Variants in GTF2B observed in about 807,000 individuals in gnomAD.
The protein encoded by GTF2B is transcription initiation factor IIB.
GTF2B carries 20 observed loss-of-function variants against 34.6 expected under a neutral mutation model. The observed-to-expected ratio is 0.58, with a 90% CI of 0.41 to 0.84. GTF2B has a LOEUF of 0.84. GTF2B is among the 40% of genes least tolerant of loss of function. The pLI, the probability that GTF2B is intolerant of heterozygous loss-of-function variation, is 0.00. For missense variants in GTF2B, 237 were observed against 393.3 expected (o/e 0.60, Z 3.36); for synonymous variants, 142 against 132.4 (o/e 1.07, Z -0.50).
At chr1:88,859,401 GA>G (rs1356108235) in intron 5 of GTF2B, among the ~76,000 whole-genome samples, 1 of 152,168 alleles carries the variant, frequency 6.6e-6, no homozygotes, top group Non-Finnish European at 1.5e-5. Context: ...AACATGCTAT[GA>G]ATTTGCTGTC....
intron 2 of GTF2B, among the ~76,000 whole-genome samples, chr1:88,865,981 T>G (rs540132845): frequency 6.0e-4 from 91 of 152,272 alleles, no homozygotes; most frequent in African/African-American, 2.1e-3. Context: ...CCACCTAGAC[T>G]ATGCTAACTT....
chr1:88,866,192 T>C (rs1673556379), intron 2 of GTF2B, among the ~76,000 whole-genome samples: 1 of 151,590 alleles, frequency 6.6e-6, no homozygotes, highest in Admixed American at 6.6e-5. Flanking sequence ...TGAAACCCTG[T>C]CTCTACAAAA....
intron 1 of GTF2B, among the ~76,000 whole-genome samples, chr1:88,888,350 C>T (rs1224367391): frequency 6.6e-6 from 1 of 152,072 alleles, no homozygotes; most frequent in East Asian, 1.9e-4. Context: ...TAAAATAATC[C>T]ATATTCCCCC....
intron 6 of GTF2B, among the ~76,000 whole-genome samples, chr1:88,856,250 C>A (rs1377080816): frequency 9.2e-6 from 1 of 108,902 alleles, no homozygotes; most frequent in Non-Finnish European, 1.7e-5. Flanking sequence ...GCCTGCGCAA[C>A]AGAGGGAGAC....
At chr1:88,857,567 C>T (rs1673340708) in intron 5 of GTF2B, 80 bp from the exon 6 acceptor site, 1 of 686,106 alleles carries the variant, frequency 1.5e-6, no homozygotes, top group Non-Finnish European at 2.5e-6. Flanking sequence ...TAATTATAAA[C>T]ATAATATACA....
At chr1:88,857,074 T>G in intron 6 of GTF2B, 132 bp downstream of exon 6, 1 of 777,514 alleles carries the variant, frequency 1.3e-6, no homozygotes, top group South Asian at 1.7e-5. Flanking sequence ...GTGCTGAGAT[T>G]ATAGGTGTGA....
At chr1:88,864,533 C>A (rs1673507400) in intron 2 of GTF2B, among the ~76,000 whole-genome samples, 1 of 152,098 alleles carries the variant, frequency 6.6e-6, no homozygotes, top group Non-Finnish European at 1.5e-5. Context: ...ACTAAGTTTG[C>A]GTGGGAAATG....
intron 1 of GTF2B, chr1:88,888,054 T>C (rs1465335066): frequency 2.0e-5 from 3 of 152,248 alleles, no homozygotes; most frequent in Non-Finnish European, 4.4e-5. Context: ...TTAAATGATC[T>C]GACAGAATCA....
chr1:88,891,460 CG>C, intron 1 of GTF2B, 22 bp downstream of exon 1: 1 of 1,593,948 alleles, frequency 6.3e-7, no homozygotes, highest in Non-Finnish European at 8.6e-7. Flanking sequence ...CTCAGCTCGC[CG>C]GGCTCGGCGG....
chr1:88,887,348 C>T lies in GTF2B; in HGVS notation c.37G>A (p.Val13Ile). The T allele has an allele frequency of 6.2e-7, 1 of 1,607,858 alleles. No homozygotes were observed. Among genetic ancestry groups the T allele is most frequent in the African/African-American group, 1.3e-5 (1 of 74,894 alleles). The change falls in exon 2 of 7, where the codon GTC (valine) becomes ATC (isoleucine). Residue 13 changes from valine (V) to isoleucine (I), a missense_variant. Physicochemically the swap from Val to Ile is conservative, Grantham distance 29. Coordinates refer to ENST00000370500, the MANE Select transcript of GTF2B (RefSeq NM_001514.6). ...GCATCTGGATGGTTTGGACATGTGA[C>T]TCTTGGAAGAGCATCCAAACTAAAA... Reference protein sequence around the residue: ...STSRLDALPRVTCPNHPDAIL... With the variant: ...STSRLDALPRITCPNHPDAIL...
chr1:88,880,246 T>A (rs1332940197), intron 2 of GTF2B, among the ~76,000 whole-genome samples: 1 of 152,190 alleles, frequency 6.6e-6, no homozygotes, highest in African/African-American at 2.4e-5. Context: ...GATGTCTGGA[T>A]TCAAATTCCC....
chr1:88,867,529 G>C (rs1361926565), intron 2 of GTF2B, among the ~76,000 whole-genome samples: 1 of 150,446 alleles, frequency 6.6e-6, no homozygotes, highest in Non-Finnish European at 1.5e-5. Flanking sequence ...TTCAAACCCA[G>C]AGTTACTAAA....
chr1:88,859,481 C>T (rs534528623), intron 5 of GTF2B, among the ~76,000 whole-genome samples: 2 of 152,214 alleles, frequency 1.3e-5, no homozygotes, highest in Non-Finnish European at 2.9e-5. Flanking sequence ...ATAAAGATGA[C>T]TTAGCTTCTA....
At chr1:88,882,798 T>A (rs1441048090) in intron 2 of GTF2B, among the ~76,000 whole-genome samples, 1 of 152,242 alleles carries the variant, frequency 6.6e-6, no homozygotes, top group African/African-American at 2.4e-5. Flanking sequence ...TTGGAAGGCA[T>A]TCATAGAATT....
intron 2 of GTF2B, among the ~76,000 whole-genome samples, chr1:88,876,020 T>C (rs773981761): frequency 2.6e-5 from 4 of 151,598 alleles, no homozygotes; most frequent in Non-Finnish European, 5.9e-5. Flanking sequence ...ACTCAAGCAG[T>C]TAATGAGTAA....
At chr1:88,883,807 T>G (rs1673998261) in intron 2 of GTF2B, among the ~76,000 whole-genome samples, 1 of 152,192 alleles carries the variant, frequency 6.6e-6, no homozygotes, top group Admixed American at 6.5e-5. Context: ...AATAGGCTTT[T>G]TAAACACCTT....
At chr1:88,886,129 T>C (rs1674062848) in intron 2 of GTF2B, among the ~76,000 whole-genome samples, 1 of 152,200 alleles carries the variant, frequency 6.6e-6, no homozygotes, top group Non-Finnish European at 1.5e-5. Flanking sequence ...TTAATATTCC[T>C]TACTCAGCAG....
intron 1 of GTF2B, among the ~76,000 whole-genome samples, chr1:88,889,969 G>C (rs1055904543): frequency 6.6e-6 from 1 of 152,144 alleles, no homozygotes; most frequent in Admixed American, 6.5e-5. Flanking sequence ...GAACTGGGGA[G>C]GTCATGGCTG....
Position 88,853,203 on chromosome 1 carries a change from C to G in GTF2B, c.*10G>C, listed in dbSNP as rs746503655. 4.3e-6 allele frequency: 7 copies of G among 1,613,122 alleles called. No individual in the cohort carries two copies. The highest frequency in any genetic ancestry group is 5.9e-6 in the Non-Finnish European group (7 of 1,179,232). On this transcript the variant is annotated 3_prime_UTR_variant, in exon 7 of 7. Transcript: ENST00000370500. ...TTTGTATTCAAGAATTTGACGTTAG[C>G]TGCCTCAATTTATAGCTGTGGTAGT...
Sources: gnomAD v4.1 joint callset for allele counts (sites outside exome capture counted in the v4.1 genomes callset) on GRCh38, gnomAD v4.1.1 for gene constraint, MANE v1.5 for transcripts, NCBI Gene and HGNC (gene_info 2026-07-23, HGNC 2026-07-21) for gene names.